A2ML1: variants seen among roughly 807,000 people sequenced by gnomAD.
The protein encoded by A2ML1 is alpha-2-macroglobulin like 1.
Under a neutral mutation model 181.9 loss-of-function variants are expected in A2ML1, and 161 were observed. The observed-to-expected ratio is 0.89, with a 90% CI of 0.78 to 1.01. A2ML1 has a LOEUF of 1.01. A2ML1 is among the 50% of genes least tolerant of loss of function. The pLI, the probability that A2ML1 is intolerant of heterozygous loss-of-function variation, is 0.00. For missense variants in A2ML1, 1,670 were observed against 1,768.1 expected (o/e 0.94, Z 1.00); for synonymous variants, 663 against 666.8 (o/e 0.99, Z 0.09).
chr12:8,851,058 T>C (rs972105745), intron 18 of A2ML1, among the ~76,000 whole-genome samples: 1 of 152,190 alleles, frequency 6.6e-6, no homozygotes, highest in African/African-American at 2.4e-5. Flanking sequence ...TCTTCATGCA[T>C]TCATATACAA....
At chr12:8,856,595 C>T (rs994353515) in intron 23 of A2ML1, among the ~76,000 whole-genome samples, 3 of 152,100 alleles carry the variant, frequency 2.0e-5, no homozygotes, top group East Asian at 3.9e-4. Flanking sequence ...GGGTGAGGAA[C>T]GTACATGCAG....
intron 26 of A2ML1, chr12:8,858,309 G>A: frequency 1.8e-6 from 1 of 546,236 alleles, no homozygotes; most frequent in Non-Finnish European, 3.0e-6. Flanking sequence ...AAGCCTGGGT[G>A]CAGTGGCTCA....
intron 26 of A2ML1, 96 bp from the exon 27 acceptor site, chr12:8,860,785 T>G (rs1169971240): frequency 1.6e-5 from 16 of 980,450 alleles, no homozygotes; most frequent in Non-Finnish European, 2.2e-5. Flanking sequence ...TAAAAATTAT[T>G]CATCTATTCA....
rs1227992434 is a variant in A2ML1, at chr12:8,876,212, T to C, written c.*156T>C. 1.3e-5 allele frequency: 2 copies of C among 152,226 alleles called. No individual in the cohort carries two copies. The highest frequency in any genetic ancestry group is 2.9e-5 in the Non-Finnish European group (2 of 68,048). 9.4% of individuals were successfully genotyped at this position (152,226 alleles called of 1,614,324 possible). A position where few individuals can be genotyped will look rare whatever the true frequency, so the allele number is the denominator to read the frequency against. Reference sequence around the variant, plus strand: ...GAATATGTCTGAACCTCAGCTATAATACTTTCTACTACCTTTGCAAGGAGA... The same window carrying C: ...GAATATGTCTGAACCTCAGCTATAACACTTTCTACTACCTTTGCAAGGAGA... On this transcript the variant is annotated 3_prime_UTR_variant, in exon 36 of 36. Transcript: ENST00000299698.
Position 8,874,438 on chromosome 12 carries a change from C to G in A2ML1, c.4235C>G (p.Thr1412Ser). Residue 1412 changes from threonine to serine, a missense_variant, in exon 34 of 36, where the codon ACT becomes AGT. By Grantham distance (58) the Thr-to-Ser change is moderately conservative. Coordinates refer to ENST00000299698, the MANE Select transcript of A2ML1 (RefSeq NM_144670.6). ...TCTTCCCCACAGCTCATTAAGAACA[C>G]TCAGACTTACACCTTCACCATCAGC... Reference protein sequence around the residue: ...NIYLDELIKNTQTYTFTISQS... With the variant: ...NIYLDELIKNSQTYTFTISQS... 1 of 1,613,952 alleles carries G rather than the reference C, an allele frequency of 6.2e-7. No individual in the cohort carries two copies. The highest frequency in any genetic ancestry group is 8.5e-7 in the Non-Finnish European group (1 of 1,179,864).
At chr12:8,834,471 G>A (rs910769732) in intron 4 of A2ML1, among the ~76,000 whole-genome samples, 191 bp from the exon 5 acceptor site, 3 of 152,122 alleles carry the variant, frequency 2.0e-5, no homozygotes, top group Admixed American at 1.3e-4. Context: ...CTCCTGCCTT[G>A]TTTCCCTCCC....
At chr12:8,823,654 T>C in intron 2 of A2ML1, 66 bp from the exon 3 acceptor site, 1 of 1,549,590 alleles carries the variant, frequency 6.5e-7, no homozygotes, top group South Asian at 1.2e-5. Flanking sequence ...CACTGTTGGG[T>C]TGAGACCAGT....
intron 5 of A2ML1, 33 bp from the exon 6 acceptor site, chr12:8,835,474 G>A (rs1412699068): frequency 6.2e-7 from 1 of 1,611,784 alleles, no homozygotes; most frequent in Non-Finnish European, 8.5e-7. Context: ...AAGCAAACGG[G>A]CAGGCACATC....
intron 10 of A2ML1, 59 bp from the exon 11 acceptor site, chr12:8,841,310 C>A: frequency 6.6e-7 from 1 of 1,504,416 alleles, no homozygotes; most frequent in Admixed American, 1.9e-5. Context: ...TTTCACTTTA[C>A]CTCATACTCA....
intron 12 of A2ML1, among the ~76,000 whole-genome samples, 194 bp downstream of exon 12, chr12:8,843,555 A>G (rs1943563026): frequency 6.6e-6 from 1 of 152,180 alleles, no homozygotes; most frequent in Non-Finnish European, 1.5e-5. Flanking sequence ...AACCCATTAT[A>G]TCCAAAATAT....
intron 2 of A2ML1, 38 bp from the exon 3 acceptor site, chr12:8,823,676 CCCCAAT>C: frequency 6.3e-7 from 1 of 1,591,066 alleles, no homozygotes; most frequent in Non-Finnish European, 8.6e-7. Context: ...GATTCTGTTC[CCCCAAT>C]CCCTTACCCC....
At chr12:8,854,651 G>T in intron 21 of A2ML1, 129 bp from the exon 22 acceptor site, 1 of 946,802 alleles carries the variant, frequency 1.1e-6, no homozygotes, top group Non-Finnish European at 1.7e-6. Context: ...GCTTCAGTGA[G>T]AAGCTCTTGT....
intron 29 of A2ML1, 70 bp from the exon 30 acceptor site, chr12:8,867,772 T>A: frequency 7.3e-7 from 1 of 1,367,018 alleles, no homozygotes; most frequent in African/African-American, 1.4e-5. Flanking sequence ...ATGTGTGGGT[T>A]ATAGAGTTGT....
At chr12:8,870,236 GT>G (rs1481087181) in intron 33 of A2ML1, among the ~76,000 whole-genome samples, 1 of 151,864 alleles carries the variant, frequency 6.6e-6, no homozygotes, top group Non-Finnish European at 1.5e-5. Flanking sequence ...GGGAGCCAGG[GT>G]TTTTTATGTT....
intron 5 of A2ML1, 152 bp downstream of exon 5, chr12:8,834,834 G>A: frequency 1.2e-6 from 1 of 825,506 alleles, no homozygotes; most frequent in Non-Finnish European, 1.9e-6. Flanking sequence ...CACCTAAGCT[G>A]TGCCTGCTTT....
chr12:8,868,402 TAGG>T, intron 31 of A2ML1, 45 bp downstream of exon 31: 1 of 1,607,710 alleles, frequency 6.2e-7, no homozygotes, highest in Non-Finnish European at 8.5e-7. Context: ...CACCTGGTCA[TAGG>T]AGCTGAGCTG....
intron 3 of A2ML1, 113 bp from the exon 4 acceptor site, chr12:8,829,614 C>T: frequency 2.0e-6 from 2 of 1,012,324 alleles, no homozygotes; most frequent in Non-Finnish European, 2.9e-6. Flanking sequence ...ACGGTTGTGC[C>T]ACTGCACTCC....
intron 11 of A2ML1, among the ~76,000 whole-genome samples, chr12:8,842,661 C>T (rs754492017): frequency 6.6e-6 from 1 of 152,152 alleles, no homozygotes; most frequent in Non-Finnish European, 1.5e-5. Context: ...TTAATGAGAT[C>T]GTTCAACCTC....
intron 2 of A2ML1, 161 bp downstream of exon 2, chr12:8,823,526 C>G: frequency 1.9e-6 from 2 of 1,067,904 alleles, no homozygotes; most frequent in South Asian, 1.6e-5. Flanking sequence ...AACTCACCCA[C>G]GGTTTCCTCG....
Sources: gnomAD v4.1 joint callset for allele counts (sites outside exome capture counted in the v4.1 genomes callset) on GRCh38, gnomAD v4.1.1 for gene constraint, MANE v1.5 for transcripts, NCBI Gene and HGNC (gene_info 2026-07-23, HGNC 2026-07-21) for gene names.